Variants in EPHA4 observed in about 807,000 individuals in gnomAD.
EPHA4 encodes ephrin type-A receptor 4.
EPHA4 carries 19 observed loss-of-function variants against 108.3 expected under a neutral mutation model. The ratio of observed to expected loss-of-function variants is 0.18; its 90% CI spans 0.12 to 0.26. The LOEUF is 0.26. Ranked by LOEUF, EPHA4 falls within the 10% of genes least tolerant of loss-of-function variation. EPHA4 has a pLI of 1.00. For synonymous variants in EPHA4, 449 were observed against 455.5 expected, an observed-to-expected ratio of 0.99 and a Z score of 0.18; for missense variants, 917 against 1,254.0, an observed-to-expected ratio of 0.73 and a Z score of 4.06.
intron 8 of EPHA4, among the ~76,000 whole-genome samples, chr2:221,455,286 T>C (rs1479485304): frequency 6.6e-6 from 1 of 152,132 alleles, no homozygotes; most frequent in East Asian, 1.9e-4. Context: ...TTAAAGCATC[T>C]AGAAATCTCC....
rs145988995 is a variant in EPHA4, at chr2:221,463,488, C to G, written c.1319-5498G>C. ...GAGAAGGTACATGTGGGTTTTCTCT[C>G]TGTGTGTGTTTTTGATAAACAGAAA... On this transcript the variant is annotated intron_variant, in intron 5 of 17. Transcript: ENST00000281821. Among the ~76,000 whole-genome samples the G allele has an allele frequency of 8.5e-5, 13 of 152,280 alleles. No homozygotes were observed. In the South Asian group the frequency reaches 1.9e-3, roughly 22 times the overall value.
At chr2:221,528,583 T>C (rs1374803862) in intron 3 of EPHA4, among the ~76,000 whole-genome samples, 2 of 152,234 alleles carry the variant, frequency 1.3e-5, no homozygotes, top group Non-Finnish European at 2.9e-5. Flanking sequence ...TCCTAAACAG[T>C]ACCTCATTTA....
intron 8 of EPHA4, 36 bp downstream of exon 8, chr2:221,455,511 G>A: frequency 6.7e-7 from 1 of 1,493,836 alleles, no homozygotes; most frequent in South Asian, 1.1e-5. Context: ...CACTGGGAAG[G>A]TCGGGGGCTG....
Position 221,425,897 on chromosome 2 carries a change from G to A in EPHA4, c.*131C>T. The A allele has an allele frequency of 1.3e-6, 1 of 789,014 alleles. No homozygotes were observed. 48.9% of individuals were successfully genotyped at this position (789,014 alleles called of 1,614,324 possible). On this transcript the variant is annotated 3_prime_UTR_variant, in exon 17 of 18. Coordinates refer to ENST00000281821, the MANE Select transcript of EPHA4 (RefSeq NM_004438.5). ...AATCTGTGCACCAAGCAACGCTGCA[G>A]ATATTGTTTTTTTTTTTCATTTCTT...
rs1041387439 is a variant in EPHA4 at position 221,572,190 on chromosome 2, A to G, written c.59T>C (p.Val20Ala). Residue 20 changes from valine (V) to alanine (A), a missense_variant, in exon 1 of 18, where the codon GTC (valine) becomes GCC (alanine). By Grantham distance (64) the Val-to-Ala change is moderately conservative. Around this residue, in one of 3 missense-constraint regions of EPHA4, gnomAD observed 758 missense variants for 1,076.7 expected, o/e 0.70. Coordinates refer to ENST00000281821, the MANE Select transcript of EPHA4 (RefSeq NM_004438.5). ...FSCLFGICDAVTGSRVYPANE... is the reference protein window; with the variant it reads ...FSCLFGICDAATGSRVYPANE... ...CGCGGGGTATACCCTGGAACCTGTG[A>G]CAGCGTCGCAAATCCCGAAGAGACA... 6.2e-7 allele frequency: 1 copy of G among 1,614,018 alleles called. No homozygotes were observed. Among genetic ancestry groups the G allele is most frequent in the African/African-American group, 1.3e-5 (1 of 74,934 alleles).
At chr2:221,551,458 G>A (rs969639691) in intron 3 of EPHA4, among the ~76,000 whole-genome samples, 12 of 151,902 alleles carry the variant, frequency 7.9e-5, no homozygotes, top group Non-Finnish European at 1.3e-4. Flanking sequence ...ATTTTCATAC[G>A]GTAAAACATT....
At chr2:221,549,923 G>T (rs1174514031) in intron 3 of EPHA4, among the ~76,000 whole-genome samples, 1 of 152,170 alleles carries the variant, frequency 6.6e-6, no homozygotes, top group Non-Finnish European at 1.5e-5. Context: ...CCAGGGATGG[G>T]GAGGTTGCAG....
Position 221,483,500 on chromosome 2 carries a change from T to TTGTGTGTGTG in EPHA4, c.980-820_980-811dup, listed in dbSNP as rs58143142. Among the ~76,000 whole-genome samples, 739 of 143,786 alleles carry TTGTGTGTGTG rather than the reference T, an allele frequency of 5.1e-3. 6 individuals are homozygous for TTGTGTGTGTG. The highest frequency in any genetic ancestry group is 0.018 in the African/African-American group (703 of 38,688). The allele number at this position is 143,786 out of a possible 152,430, so 94.3% of individuals were successfully genotyped here. ...GAAACTCTTGTTTCTTGATGTAGAT[T>TTGTGTGTGTG]TGTGTGTGTGTGTGTGTGTGTGTGT... On this transcript the variant is annotated intron_variant, in intron 4 of 17. Transcript: ENST00000281821.
At chr2:221,423,240 C>G (rs1689807339) in intron 17 of EPHA4, among the ~76,000 whole-genome samples, 1 of 152,190 alleles carries the variant, frequency 6.6e-6, no homozygotes. Context: ...TCTCTAATTT[C>G]CAGGTGGAGG....
intron 10 of EPHA4, 96 bp from the exon 11 acceptor site, chr2:221,443,110 C>CCT: frequency 7.6e-7 from 1 of 1,315,472 alleles, no homozygotes; most frequent in Non-Finnish European, 1.1e-6. Context: ...ACACGCCAGG[C>CCT]TGTTTGCTAG....
intron 5 of EPHA4, 37 bp from the exon 6 acceptor site, chr2:221,458,027 T>G: frequency 6.3e-7 from 1 of 1,591,556 alleles, no homozygotes. Context: ...GATATTTTCT[T>G]TAGGAAAATA....
In EPHA4 at chr2:221,454,129, G is replaced by A. The variant is rs948118629; in HGVS notation, c.1715+1418C>T. Among the ~76,000 whole-genome samples the A allele has an allele frequency of 2.6e-5, 4 of 152,142 alleles. No homozygotes were observed. The East Asian group carries it at 5.8e-4, about 22-fold the overall frequency. Reference sequence around the variant, plus strand: ...CAGGAGGCAGACGTTGTAGTGACCCGAGATCATGCCACTGTACTTCCAGCC... The same window carrying A: ...CAGGAGGCAGACGTTGTAGTGACCCAAGATCATGCCACTGTACTTCCAGCC... On this transcript the variant is annotated intron_variant, in intron 8 of 17. Coordinates refer to ENST00000281821, the MANE Select transcript of EPHA4 (RefSeq NM_004438.5).
rs1694228545 is a variant in EPHA4 at position 221,553,786 on chromosome 2, C to A, written c.823+9945G>T. The stretch of plus-strand genomic sequence containing the variant: ...GAAAAAAATCCAATTTGCTTTGAAG[C>A]GCATTAGTCTGTCTAACATCCTAAT... On this transcript the variant is annotated intron_variant, in intron 3 of 17. Coordinates refer to ENST00000281821, the MANE Select transcript of EPHA4 (RefSeq NM_004438.5). 1.3e-5 allele frequency among the ~76,000 whole-genome samples: 2 copies of A among 152,168 alleles called. 1 individual carries two copies. Among genetic ancestry groups the A allele is most frequent in the South Asian group, 4.1e-4 (2 of 4,832 alleles).
intron 3 of EPHA4, among the ~76,000 whole-genome samples, chr2:221,555,473 GC>G (rs1404794209): frequency 6.6e-6 from 1 of 152,212 alleles, no homozygotes; most frequent in Non-Finnish European, 1.5e-5. Flanking sequence ...CCCAGAAAAG[GC>G]TGAGGTCTCC....
At chr2:221,502,640 A>G (rs1179908837) in intron 3 of EPHA4, 1 of 469,584 alleles carries the variant, frequency 2.1e-6, no homozygotes, top group Non-Finnish European at 4.4e-6. Context: ...TTCCAGCTGA[A>G]GTCTGTTCCA....
rs764577079 is a variant in EPHA4 at position 221,564,116 on chromosome 2, G to C, written c.438C>G (p.Asp146Glu). The C allele has an allele frequency of 6.2e-7, 1 of 1,614,134 alleles. No individual in the cohort carries two copies. The highest frequency in any genetic ancestry group is 8.5e-7 in the Non-Finnish European group (1 of 1,180,032). Reference sequence around the variant, plus strand: ...TGAAGCTCTCATCAGCAGCAATGGTGTCAATTTTGACAAACTGGTTCTCTC... The same window carrying C: ...TGAAGCTCTCATCAGCAGCAATGGTCTCAATTTTGACAAACTGGTTCTCTC... ...FIRENQFVKIDTIAADESFTQ... is the reference protein window; with the variant it reads ...FIRENQFVKIETIAADESFTQ... The change falls in exon 3 of 18, where the codon GAC (aspartate) becomes GAG (glutamate). Residue 146 changes from aspartate to glutamate, a missense_variant. Physicochemically the swap from Asp to Glu is conservative, Grantham distance 45. This residue lies in a region of EPHA4 where 758 missense variants were observed against 1,076.7 expected (regional missense o/e 0.70). Transcript: ENST00000281821.
intron 15 of EPHA4, among the ~76,000 whole-genome samples, chr2:221,427,879 T>C (rs1326752667): frequency 1.3e-5 from 2 of 152,184 alleles, no homozygotes; most frequent in South Asian, 2.1e-4. Flanking sequence ...CTTTTTTATA[T>C]AAATATTTTA....
intron 4 of EPHA4, among the ~76,000 whole-genome samples, chr2:221,497,212 A>AT (rs963551900): frequency 4.6e-5 from 7 of 152,020 alleles, no homozygotes; most frequent in South Asian, 4.2e-4. Context: ...AACTTTGCAA[A>AT]TTTTTTTTAT....
intron 5 of EPHA4, among the ~76,000 whole-genome samples, chr2:221,473,858 T>C (rs150764150): frequency 1.1e-3 from 167 of 152,308 alleles, no homozygotes; most frequent in African/African-American, 3.9e-3. Context: ...TAGTGTTCGA[T>C]GGAACAAGCA....
Sources: allele counts gnomAD v4.1 joint callset (sites outside exome capture counted in the v4.1 genomes callset), GRCh38; gene constraint gnomAD v4.1.1; regional missense constraint gnomAD v4.1.1; transcripts MANE v1.5; gene names NCBI Gene and HGNC (gene_info 2026-07-23, HGNC 2026-07-21).